DOP1A: variants seen among roughly 807,000 people sequenced by gnomAD.
The protein encoded by DOP1A is DOP1 leucine zipper like protein A.
DOP1A carries 90 observed loss-of-function variants against 267.6 expected under a neutral mutation model. The ratio of observed to expected loss-of-function variants is 0.34; its 90% CI spans 0.28 to 0.40. The LOEUF is 0.40. Among genes scored for constraint, DOP1A ranks in the 10% least tolerant of loss-of-function variants. The pLI is 1.00. For missense variants in DOP1A, 2,437 were observed against 2,900.4 expected, an observed-to-expected ratio of 0.84 and a Z score of 3.67; for synonymous variants, 932 against 999.1, an observed-to-expected ratio of 0.93 and a Z score of 1.27.
At chr6:83,095,042 C>T (rs1295484296) in intron 1 of DOP1A, among the ~76,000 whole-genome samples, 4 of 152,176 alleles carry the variant, frequency 2.6e-5, no homozygotes, top group Admixed American at 2.6e-4. Flanking sequence ...AAGTGATAGT[C>T]CTGCCTCAGC....
Position 83,137,198 on chromosome 6 carries a change from A to G in DOP1A, c.3156A>G (p.Ser1052=), listed in dbSNP as rs762035199. ...SNVSQVQLIT[S]KGNGEKPLTM... is the part of the protein sequence containing the mutation. The stretch of plus-strand genomic sequence containing the variant: ...TGAGCCAAGTACAACTCATCACATC[A>G]AAAGGAAATGGTGAAAAGCCACTTA... Residue 1052 remains serine, a synonymous_variant, in exon 21 of 39, where the codon TCA becomes TCG. Coordinates refer to ENST00000349129, the MANE Select transcript of DOP1A (RefSeq NM_015018.4). The G allele has an allele frequency of 6.4e-7, 1 of 1,572,468 alleles. No homozygotes were observed. The highest frequency in any genetic ancestry group is 1.2e-5 in the South Asian group (1 of 84,398).
In DOP1A at chr6:83,141,945, T is replaced by C. The variant is rs372805712; in HGVS notation, c.5440T>C (p.Leu1814=). The C allele has an allele frequency of 3.2e-5, 52 of 1,604,622 alleles. No homozygotes were observed. Among genetic ancestry groups the C allele is most frequent in the Non-Finnish European group, 4.1e-5 (48 of 1,177,696 alleles). ...GAACTTGAGACAACAGATTCTTGAA[T>C]TGTTGGGCCCCATTTCAATGAATCA... ...TKNLRQQILE[L]LGPISMNHGV... Residue 1814 remains leucine, a synonymous_variant, in exon 24 of 39, where the codon TTG becomes CTG. Coordinates refer to ENST00000349129, the MANE Select transcript of DOP1A (RefSeq NM_015018.4).
chr6:83,135,230 A>G (rs975961765), intron 19 of DOP1A, among the ~76,000 whole-genome samples: 2 of 151,872 alleles, frequency 1.3e-5, no homozygotes, highest in Admixed American at 6.6e-5. Flanking sequence ...GCTCACAAGG[A>G]GAGTGTGAGC....
intron 17 of DOP1A, among the ~76,000 whole-genome samples, chr6:83,131,613 C>T (rs919286268): frequency 1.1e-4 from 16 of 151,652 alleles, no homozygotes; most frequent in African/African-American, 1.9e-4. Context: ...CACTAAATAA[C>T]GAAATGGGGT....
At chr6:83,135,400 A>G (rs938533065) in intron 19 of DOP1A, among the ~76,000 whole-genome samples, 1 of 151,972 alleles carries the variant, frequency 6.6e-6, no homozygotes, top group Non-Finnish European at 1.5e-5. Flanking sequence ...TCAAAGCATG[A>G]GTATATTTTT....
In DOP1A at chr6:83,137,525, A is replaced by C. The variant is rs751907200; in HGVS notation, c.3483A>C (p.Val1161=). ...QVVFDLICKV[V]SGLEVESASV... Reference sequence around the variant, plus strand: ...TATTTGACCTGATATGTAAAGTTGTAAGTGGCCTCGAAGTGGAATCTGCAT... The same window carrying C: ...TATTTGACCTGATATGTAAAGTTGTCAGTGGCCTCGAAGTGGAATCTGCAT... The change falls in exon 21 of 39, where the codon GTA becomes GTC. Residue 1161 remains valine (V), a synonymous_variant. Coordinates refer to ENST00000349129, the MANE Select transcript of DOP1A (RefSeq NM_015018.4). The C allele has an allele frequency of 1.5e-5, 25 of 1,613,852 alleles. No individual in the cohort carries two copies. The South Asian group carries it at 2.5e-4, about 16-fold the overall frequency.
At position 83,151,991 on chromosome 6, in the gene DOP1A, A is replaced by G. The variant is rs1322658110; in HGVS notation, c.6013A>G (p.Met2005Val). 2 of 1,613,806 alleles carry G rather than the reference A, an allele frequency of 1.2e-6. No homozygotes were observed. The highest frequency in any genetic ancestry group is 1.3e-5 in the African/African-American group (1 of 74,880). ...TGAAGTTAAGCCTTCTCCCAAAATA[A>G]TGGTAGATGGAACCAATTTGGAATC... ...NLEVKPSPKI[M>V]VDGTNLESDV... The change falls in exon 29 of 39, where the codon ATG becomes GTG. Residue 2005 changes from methionine (M) to valine (V), a missense_variant. Physicochemically the swap from Met to Val is conservative, Grantham distance 21. Around this residue, in one of 9 missense-constraint regions of DOP1A, gnomAD observed 216 missense variants for 283.3 expected, o/e 0.76. Coordinates refer to ENST00000349129, the MANE Select transcript of DOP1A (RefSeq NM_015018.4).
rs184678017 is a variant in DOP1A at position 83,155,177 on chromosome 6, G to C, written c.6452-774G>C. Among the ~76,000 whole-genome samples, 7 of 151,978 alleles carry C rather than the reference G, an allele frequency of 4.6e-5. No individual in the cohort carries two copies. In the East Asian group the frequency reaches 1.2e-3, roughly 25 times the overall value. ...GGAATAGGGAACAAGAATTACAAAG[G>C]TTGGCTGGGTGCAGTGGCTCACGCC... On this transcript the variant is annotated intron_variant, in intron 33 of 38. Transcript: ENST00000349129.
chr6:83,085,218 G>T (rs1379404854), intron 1 of DOP1A, among the ~76,000 whole-genome samples: 1 of 152,144 alleles, frequency 6.6e-6, no homozygotes, highest in African/African-American at 2.4e-5. Flanking sequence ...TGATAGATTA[G>T]TTCATTTATT....
intron 1 of DOP1A, among the ~76,000 whole-genome samples, chr6:83,085,359 A>G (rs1768932091): frequency 6.6e-6 from 1 of 152,226 alleles, no homozygotes; most frequent in African/African-American, 2.4e-5. Context: ...GACAGGAAAC[A>G]AGCAAATAAA....
At chr6:83,167,753 C>A in intron 38 of DOP1A, 109 bp from the exon 39 acceptor site, 2 of 1,450,112 alleles carry the variant, frequency 1.4e-6, no homozygotes, top group Non-Finnish European at 1.8e-6. Context: ...AACTTAATGT[C>A]ATTTGTATTC....
intron 3 of DOP1A, among the ~76,000 whole-genome samples, chr6:83,099,154 G>C (rs960954993): frequency 3.3e-5 from 5 of 152,128 alleles, no homozygotes; most frequent in African/African-American, 1.2e-4. Context: ...GGAGTTATGA[G>C]CCAGGAACCA....
chr6:83,124,010 T>C (rs1776744276), intron 12 of DOP1A, among the ~76,000 whole-genome samples: 1 of 152,090 alleles, frequency 6.6e-6, no homozygotes, highest in Non-Finnish European at 1.5e-5. Flanking sequence ...TAAAATCCTA[T>C]GTAGAGGTTA....
intron 1 of DOP1A, among the ~76,000 whole-genome samples, chr6:83,077,020 A>C (rs1483836265): frequency 6.6e-6 from 1 of 152,212 alleles, no homozygotes; most frequent in Non-Finnish European, 1.5e-5. Context: ...AGTTATAATA[A>C]AAAGACCCAT....
At chr6:83,137,143 T>C in intron 20 of DOP1A, 30 bp from the exon 21 acceptor site, 2 of 1,501,122 alleles carry the variant, frequency 1.3e-6, no homozygotes, top group Non-Finnish European at 1.8e-6. Context: ...TTTGTATTTT[T>C]CTTCTTTTAC....
At chr6:83,081,231 C>T (rs1176983394) in intron 1 of DOP1A, among the ~76,000 whole-genome samples, 1 of 152,152 alleles carries the variant, frequency 6.6e-6, no homozygotes. Context: ...AGCGATCCTC[C>T]TGAGTAGCTG....
Position 83,129,202 on chromosome 6 carries a change from GAGT to G in DOP1A, c.2037_2039del (p.Glu679_Tyr680delinsAsp). 1 of 1,613,258 alleles carries G rather than the reference GAGT, an allele frequency of 6.2e-7. No individual in the cohort carries two copies. The highest frequency in any genetic ancestry group is 8.5e-7 in the Non-Finnish European group (1 of 1,179,656). On this transcript the variant is annotated inframe_deletion, in exon 16 of 39. Transcript: ENST00000349129. The stretch of plus-strand genomic sequence containing the variant: ...AAAGACTGCAATGCAGTGCTGCTTG[GAGT>G]ATGTCCAACAGTTTCTTACCAGACT...
chr6:83,079,477 T>C (rs1767706911), intron 1 of DOP1A, among the ~76,000 whole-genome samples: 1 of 152,176 alleles, frequency 6.6e-6, no homozygotes, highest in African/African-American at 2.4e-5. Flanking sequence ...CTAGGAAGTA[T>C]AGAAAAATGT....
chr6:83,122,780 G>A (rs1776561828), intron 11 of DOP1A, 83 bp from the exon 12 acceptor site: 1 of 1,040,996 alleles, frequency 9.6e-7, no homozygotes, highest in African/African-American at 1.7e-5. Flanking sequence ...CTAGGAATAT[G>A]TACTGGCACT....
Sources: gnomAD v4.1 joint callset for allele counts (sites outside exome capture counted in the v4.1 genomes callset) on GRCh38, gnomAD v4.1.1 for gene constraint, gnomAD v4.1.1 regional missense constraint, MANE v1.5 for transcripts, NCBI Gene and HGNC (gene_info 2026-07-23, HGNC 2026-07-21) for gene names.